Variants in USP34 observed in about 807,000 individuals in gnomAD.
USP34 encodes the protein ubiquitin specific peptidase 34, also known as ubiquitin carboxyl-terminal hydrolase 34.
Under a neutral mutation model 460.3 loss-of-function variants are expected in USP34, and 70 were observed. That is an observed-to-expected ratio of 0.15 (90% CI 0.13 to 0.19). The LOEUF is 0.19. Among genes scored for constraint, USP34 ranks in the 10% least tolerant of loss-of-function variants. The pLI is 1.00. For synonymous variants in USP34, 1,647 were observed against 1,405.3 expected, an observed-to-expected ratio of 1.17 and a Z score of -3.85; for missense variants, 3,985 against 4,236.2, an observed-to-expected ratio of 0.94 and a Z score of 1.65.
chr2:61,348,163 T>C lies in USP34; in HGVS notation c.1992A>G (p.Arg664=), dbSNP rs768941303. 2 of 1,614,234 alleles carry C rather than the reference T, an allele frequency of 1.2e-6. No homozygotes were observed. The highest frequency in any genetic ancestry group is 8.5e-7 in the Non-Finnish European group (1 of 1,180,034). Residue 664 remains arginine (R), a synonymous_variant, in exon 15 of 80, where the codon AGA becomes AGG. Transcript: ENST00000398571. The part of the protein sequence containing the change: ...CLGDSQGMSE[R]NGTSSGTGKD... The stretch of plus-strand genomic sequence containing the variant: ...TTCCTGTTCCGCTGCTTGTCCCATT[T>C]CTTTCTGACATGCCTTGGGAGTCCC...
rs900892294 is a variant in USP34, at chr2:61,300,861, T to C, written c.4128+90A>G. Reference sequence around the variant, plus strand: ...GGAGAGAAAATTATTATATACTTTATAACGTTTTATAAACTATACTTTTAT... The same window carrying C: ...GGAGAGAAAATTATTATATACTTTACAACGTTTTATAAACTATACTTTTAT... On this transcript the variant is annotated intron_variant, in intron 29 of 79. Transcript: ENST00000398571. 1.5e-5 allele frequency: 13 copies of C among 865,294 alleles called. No individual in the cohort carries two copies. The East Asian group carries it at 2.2e-4, about 15-fold the overall frequency. 53.6% of individuals were successfully genotyped at this position (865,294 alleles called of 1,614,324 possible).
intron 21 of USP34, among the ~76,000 whole-genome samples, chr2:61,322,669 A>G (rs1690962598): frequency 6.6e-6 from 1 of 152,242 alleles, no homozygotes; most frequent in Non-Finnish European, 1.5e-5. Flanking sequence ...CCTCAGAAAT[A>G]TTCACCCTAG....
chr2:61,443,126 A>C (rs984376776), intron 1 of USP34, among the ~76,000 whole-genome samples: 2 of 152,170 alleles, frequency 1.3e-5, no homozygotes, highest in African/African-American at 4.8e-5. Flanking sequence ...GGATACAAGA[A>C]GGTGGAAAGG....
chr2:61,430,718 A>C (rs1694647393), intron 1 of USP34, among the ~76,000 whole-genome samples: 1 of 152,204 alleles, frequency 6.6e-6, no homozygotes. Flanking sequence ...AGAATTTTTT[A>C]AAACTGAGAA....
At chr2:61,333,731 G>GT in intron 19 of USP34, 151 bp downstream of exon 19, 1 of 450,776 alleles carries the variant, frequency 2.2e-6, no homozygotes, top group African/African-American at 2.0e-5. Context: ...CTCTACAGGG[G>GT]TAAGTGGCAG....
chr2:61,399,204 T>G (rs187146523), intron 3 of USP34, among the ~76,000 whole-genome samples: 10 of 152,168 alleles, frequency 6.6e-5, no homozygotes, highest in Admixed American at 5.9e-4. Context: ...CTGGGTGTCG[T>G]GACGCATGCC....
intron 18 of USP34, among the ~76,000 whole-genome samples, chr2:61,338,420 G>C (rs144377046): frequency 1.3e-5 from 2 of 152,262 alleles, no homozygotes; most frequent in South Asian, 2.1e-4. Flanking sequence ...TTTTTCTACT[G>C]TAACTGCTCA....
At position 61,344,043 on chromosome 2, in the gene USP34, A is replaced by T; in HGVS notation, c.2286-14T>A. On this transcript the variant is annotated splice_polypyrimidine_tract_variant and intron_variant, in intron 15 of 79. Coordinates refer to ENST00000398571, the MANE Select transcript of USP34 (RefSeq NM_014709.4). ...TCAACCATATGCCTACAAAACAGAG[A>T]AAAGCACAAAGTTAGTAATTACGAA... 6.2e-7 allele frequency: 1 copy of T among 1,609,612 alleles called. No homozygotes were observed. Among genetic ancestry groups the T allele is most frequent in the Non-Finnish European group, 8.5e-7 (1 of 1,176,682 alleles).
intron 1 of USP34, among the ~76,000 whole-genome samples, chr2:61,450,184 C>CA (rs1382208821): frequency 4.4e-4 from 67 of 151,278 alleles, no homozygotes; most frequent in South Asian, 4.2e-4. Context: ...TAGGCAGTCA[C>CA]AAAAAAAACA....
intron 70 of USP34, chr2:61,207,135 T>A (rs879048128): frequency 3.3e-6 from 1 of 305,454 alleles, no homozygotes; most frequent in Non-Finnish European, 6.0e-6. Context: ...TTAATCACAT[T>A]TTTTTAAAAA....
chr2:61,440,634 C>CA (rs1385412709), intron 1 of USP34, among the ~76,000 whole-genome samples: 5 of 151,634 alleles, frequency 3.3e-5, no homozygotes, highest in Non-Finnish European at 5.9e-5. Flanking sequence ...TCTCCTGCCT[C>CA]AGCCTACCAA....
intron 2 of USP34, among the ~76,000 whole-genome samples, chr2:61,411,990 G>C (rs1573014941): frequency 6.6e-6 from 1 of 152,024 alleles, no homozygotes; most frequent in African/African-American, 2.4e-5. Context: ...AGAAGTTTGA[G>C]ATCAGCCTGA....
chr2:61,309,229 T>C (rs891203634), intron 27 of USP34, among the ~76,000 whole-genome samples: 10 of 152,180 alleles, frequency 6.6e-5, no homozygotes, highest in Admixed American at 3.3e-4. Flanking sequence ...ATGAGATACA[T>C]GTTTAATGAT....
intron 30 of USP34, among the ~76,000 whole-genome samples, chr2:61,296,380 A>C (rs1166324562): frequency 2.0e-5 from 3 of 152,200 alleles, no homozygotes; most frequent in Non-Finnish European, 2.9e-5. Flanking sequence ...ACAGATATTA[A>C]ATTTATTTGC....
chr2:61,236,433 C>T (rs746976207), intron 53 of USP34, 44 bp from the exon 54 acceptor site: 54 of 1,392,294 alleles, frequency 3.9e-5, no homozygotes, highest in Non-Finnish European at 4.9e-5. Context: ...CAGTTTACTT[C>T]ATTACATTTT....
intron 43 of USP34, among the ~76,000 whole-genome samples, chr2:61,260,013 A>T (rs1198797828): frequency 1.3e-5 from 2 of 152,232 alleles, no homozygotes; most frequent in Non-Finnish European, 2.9e-5. Flanking sequence ...GAATTTTAAA[A>T]ATCACTTTCT....
At chr2:61,276,609 CTT>C (rs1221828319) in intron 41 of USP34, among the ~76,000 whole-genome samples, 7 of 152,066 alleles carry the variant, frequency 4.6e-5, no homozygotes, top group African/African-American at 1.7e-4. Context: ...TTAACAATGA[CTT>C]TTGCTTTACA....
At chr2:61,340,540 C>A (rs932481581) in intron 16 of USP34, among the ~76,000 whole-genome samples, 1 of 152,166 alleles carries the variant, frequency 6.6e-6, no homozygotes, top group African/African-American at 2.4e-5. Context: ...GAGCATCAGT[C>A]CCTTTCTTCC....
At chr2:61,377,061 C>CTT (rs1692820264) in intron 8 of USP34, among the ~76,000 whole-genome samples, 1 of 152,188 alleles carries the variant, frequency 6.6e-6, no homozygotes, top group Non-Finnish European at 1.5e-5. Flanking sequence ...AGGCAACACA[C>CTT]TTTAAGGGGA....
Sources: allele counts gnomAD v4.1 joint callset (sites outside exome capture counted in the v4.1 genomes callset), GRCh38; gene constraint gnomAD v4.1.1; transcripts MANE v1.5; gene names NCBI Gene and HGNC (gene_info 2026-07-23, HGNC 2026-07-21).